CDYL: variants seen among roughly 807,000 people sequenced by gnomAD.
CDYL encodes the protein chromodomain Y like.
A neutral mutation model predicts 47.3 loss-of-function variants in CDYL; 8 were observed. The observed-to-expected ratio is 0.17, with a 90% CI of 0.10 to 0.31. CDYL has a LOEUF of 0.31. CDYL is among the 10% of genes least tolerant of loss of function. The pLI is 1.00. For missense variants in CDYL, 471 were observed against 701.4 expected (o/e 0.67, Z 3.71); for synonymous variants, 266 against 265.0 (o/e 1.00, Z -0.04).
intron 1 of CDYL, among the ~76,000 whole-genome samples, chr6:4,828,236 T>A (rs1760034214): frequency 6.8e-6 from 1 of 147,864 alleles, no homozygotes; most frequent in South Asian, 2.1e-4. Context: ...TAACAGGTTT[T>A]TTTTTTAACT....
intron 1 of CDYL, among the ~76,000 whole-genome samples, chr6:4,839,589 TTTTG>T (rs1372689105): frequency 1.3e-5 from 2 of 152,242 alleles, no homozygotes; most frequent in Admixed American, 1.3e-4. Flanking sequence ...TTGAGTTGAT[TTTTG>T]TTTAAGATGA....
At chr6:4,912,133 G>A (rs554915014) in intron 2 of CDYL, among the ~76,000 whole-genome samples, 2 of 152,192 alleles carry the variant, frequency 1.3e-5, no homozygotes, top group African/African-American at 2.4e-5. Flanking sequence ...GAAGGTACAT[G>A]GCCATAAAGA....
At chr6:4,910,835 T>A (rs1208949017) in intron 2 of CDYL, among the ~76,000 whole-genome samples, 1 of 151,006 alleles carries the variant, frequency 6.6e-6, no homozygotes, top group Non-Finnish European at 1.5e-5. Context: ...AGAAAGGATT[T>A]TTTTTTTTTT....
intron 1 of CDYL, among the ~76,000 whole-genome samples, chr6:4,790,540 C>G (rs1170551853): frequency 1.3e-5 from 2 of 152,114 alleles, no homozygotes; most frequent in Non-Finnish European, 2.9e-5. Context: ...TGCCTTTTCC[C>G]CTGGTCATCA....
intron 3 of CDYL, among the ~76,000 whole-genome samples, chr6:4,744,353 C>T (rs1388315992): frequency 2.0e-5 from 3 of 152,014 alleles, no homozygotes; most frequent in Admixed American, 6.6e-5. Context: ...AATAGCCAGA[C>T]GTGTGGTGCT....
chr6:4,762,062 G>T (rs1758183276), intron 3 of CDYL, among the ~76,000 whole-genome samples: 1 of 152,178 alleles, frequency 6.6e-6, no homozygotes, highest in Non-Finnish European at 1.5e-5. Flanking sequence ...AGAACAACAT[G>T]CTGAGTTATG....
chr6:4,902,237 A>G (rs1332634122), intron 2 of CDYL, among the ~76,000 whole-genome samples: 4 of 127,054 alleles, frequency 3.1e-5, no homozygotes, highest in Non-Finnish European at 6.5e-5. Flanking sequence ...TGTCTCTACT[A>G]AAAAAAAAAA....
intron 3 of CDYL, among the ~76,000 whole-genome samples, chr6:4,738,852 G>T (rs534977817): frequency 3.3e-5 from 5 of 152,182 alleles, no homozygotes; most frequent in African/African-American, 1.2e-4. Flanking sequence ...TATACGTAGC[G>T]ACATCAAGGA....
rs141387322 is a variant in CDYL, at chr6:4,902,227, T to G, written c.691+9848T>G. Among the ~76,000 whole-genome samples, 99 of 150,822 alleles carry G rather than the reference T, an allele frequency of 6.6e-4. 1 individual carries two copies. Among genetic ancestry groups the G allele is most frequent in the African/African-American group, 2.3e-3 (93 of 40,876 alleles). On this transcript the variant is annotated intron_variant, in intron 2 of 6. Transcript: ENST00000397588. ...CGGCCTAACCAACATGGAAAAACCC[T>G]GTCTCTACTAAAAAAAAAAAAATAC...
At chr6:4,878,622 G>GTA (rs1320081885) in intron 1 of CDYL, among the ~76,000 whole-genome samples, 1 of 151,928 alleles carries the variant, frequency 6.6e-6, no homozygotes, top group African/African-American at 2.4e-5. Context: ...TGTAGGATCT[G>GTA]TAGTGTTATT....
At chr6:4,943,487 T>C in intron 4 of CDYL, 59 bp from the exon 5 acceptor site, 2 of 1,238,300 alleles carry the variant, frequency 1.6e-6, no homozygotes, top group Non-Finnish European at 2.3e-6. Flanking sequence ...CATAATAGAC[T>C]TTTCCTTTGC....
intron 2 of CDYL, among the ~76,000 whole-genome samples, chr6:4,908,944 A>G (rs774526192): frequency 5.3e-5 from 8 of 152,134 alleles, no homozygotes; most frequent in Non-Finnish European, 1.0e-4. Context: ...TGGTTAAGCC[A>G]CAAAAGGTTC....
At chr6:4,730,187 C>A (rs957593879) in intron 2 of CDYL, among the ~76,000 whole-genome samples, 2 of 152,038 alleles carry the variant, frequency 1.3e-5, no homozygotes, top group Non-Finnish European at 2.9e-5. Context: ...AGACTTAATT[C>A]TGTGTTTTTC....
At chr6:4,785,832 A>G (rs1758740866) in intron 1 of CDYL, among the ~76,000 whole-genome samples, 1 of 152,222 alleles carries the variant, frequency 6.6e-6, no homozygotes, top group South Asian at 2.1e-4. Flanking sequence ...GCTCTGCCAG[A>G]GGCAGGTGAA....
chr6:4,908,804 C>T (rs1312048586), intron 2 of CDYL, among the ~76,000 whole-genome samples: 1 of 152,196 alleles, frequency 6.6e-6, no homozygotes, highest in African/African-American at 2.4e-5. Context: ...CTTCTCACAT[C>T]CCCAGGTGGA....
At chr6:4,711,255 T>G (rs866161857) in intron 1 of CDYL, among the ~76,000 whole-genome samples, 1 of 152,160 alleles carries the variant, frequency 6.6e-6, no homozygotes, top group Admixed American at 6.5e-5. Context: ...GAGGAGGCCC[T>G]TTAACCTAAC....
At chr6:4,860,861 C>T (rs1233375795) in intron 1 of CDYL, among the ~76,000 whole-genome samples, 4 of 151,922 alleles carry the variant, frequency 2.6e-5, no homozygotes, top group Non-Finnish European at 4.4e-5. Context: ...GTTTTTCTGC[C>T]ACTTTATATT....
At chr6:4,755,505 G>C (rs781198880) in intron 3 of CDYL, among the ~76,000 whole-genome samples, 2 of 152,158 alleles carry the variant, frequency 1.3e-5, no homozygotes, top group African/African-American at 2.4e-5. Context: ...CTTAACAGAT[G>C]ACTCTGGGAC....
In CDYL at chr6:4,841,764, A is replaced by G. The variant is rs963766633; in HGVS notation, c.25-49949A>G. Among the ~76,000 whole-genome samples the G allele has an allele frequency of 2.0e-5, 3 of 151,982 alleles. No individual in the cohort carries two copies. The South Asian group carries it at 6.2e-4, about 31-fold the overall frequency. ...CCACTGTGGTCTGAAAGAGTACCTG[A>G]CATAGTTTAGATTTTCTTAAATTTA... On this transcript the variant is annotated intron_variant, in intron 1 of 6. Coordinates refer to ENST00000397588, the MANE Select transcript of CDYL (RefSeq NM_004824.4).
Sources: gnomAD v4.1 joint callset for allele counts (sites outside exome capture counted in the v4.1 genomes callset) on GRCh38, gnomAD v4.1.1 for gene constraint, MANE v1.5 for transcripts, NCBI Gene and HGNC (gene_info 2026-07-23, HGNC 2026-07-21) for gene names.